Variants in PATJ observed in about 807,000 individuals in gnomAD.
The protein encoded by PATJ is inaD-like protein.
PATJ carries 190 observed loss-of-function variants against 224.9 expected under a neutral mutation model. That is an observed-to-expected ratio of 0.84 (90% CI 0.75 to 0.95). The LOEUF (loss-of-function observed/expected upper bound fraction) is 0.95, where lower values mean the gene tolerates loss of function less well. Ranked by LOEUF, PATJ falls within the 40% of genes least tolerant of loss-of-function variation. The pLI is 0.00. For missense variants in PATJ, 2,121 were observed against 2,270.3 expected (o/e 0.93, Z 1.34); for synonymous variants, 769 against 820.3 (o/e 0.94, Z 1.07).
chr1:61,899,509 CA>C, intron 22 of PATJ, 73 bp from the exon 23 acceptor site: 1 of 991,464 alleles, frequency 1.0e-6, no homozygotes, highest in Admixed American at 2.6e-5. Flanking sequence ...TTTACAATTT[CA>C]AAACCTTCCA....
At chr1:61,948,115 A>G (rs1263838159) in intron 27 of PATJ, among the ~76,000 whole-genome samples, 1 of 152,240 alleles carries the variant, frequency 6.6e-6, no homozygotes, top group African/African-American at 2.4e-5. Context: ...AAACCCTAGA[A>G]GAAAACCTAG....
At chr1:61,927,858 A>ATG (rs1378666650) in intron 27 of PATJ, 29 bp downstream of exon 27, 1 of 1,403,630 alleles carries the variant, frequency 7.1e-7, no homozygotes, top group African/African-American at 1.4e-5. Flanking sequence ...TTTAGGGTAG[A>ATG]TGCAGAACTT....
chr1:61,769,180 C>G (rs1646460741), intron 4 of PATJ, 103 bp from the exon 5 acceptor site: 5 of 1,090,452 alleles, frequency 4.6e-6, no homozygotes, highest in Non-Finnish European at 6.5e-6. Context: ...TTATGTGGTT[C>G]TTAGGGGAAG....
chr1:61,816,049 G>A (rs1656043975), intron 14 of PATJ, among the ~76,000 whole-genome samples: 2 of 152,130 alleles, frequency 1.3e-5, no homozygotes, highest in Non-Finnish European at 2.9e-5. Context: ...ACCAGGTCCT[G>A]CTCTCTGGTT....
chr1:61,771,285 A>T (rs1646591885), intron 5 of PATJ, 146 bp from the exon 6 acceptor site: 1 of 467,178 alleles, frequency 2.1e-6, no homozygotes, highest in South Asian at 5.2e-5. Context: ...AACACTCTGA[A>T]GAGCTCTGTT....
chr1:62,121,829 G>A (rs1665095924), intron 38 of PATJ, among the ~76,000 whole-genome samples: 1 of 151,538 alleles, frequency 6.6e-6, no homozygotes, highest in Non-Finnish European at 1.5e-5. Context: ...CTGAAAAACA[G>A]AAAAGCAGAA....
chr1:61,767,208 G>C (rs1481166360), intron 4 of PATJ, among the ~76,000 whole-genome samples: 1 of 152,136 alleles, frequency 6.6e-6, no homozygotes, highest in Non-Finnish European at 1.5e-5. Context: ...GGACATGTTA[G>C]TTTTATGTAT....
chr1:62,001,428 A>G (rs1645764485), intron 28 of PATJ, among the ~76,000 whole-genome samples: 2 of 148,548 alleles, frequency 1.3e-5, no homozygotes, highest in Admixed American at 1.3e-4. Flanking sequence ...TTTTCCCAGC[A>G]CCATTTATTA....
chr1:62,121,363 T>C, intron 38 of PATJ, 68 bp downstream of exon 38: 2 of 965,188 alleles, frequency 2.1e-6, no homozygotes, highest in Non-Finnish European at 3.2e-6. Flanking sequence ...AATGTGTTTT[T>C]TAAAAACCAG....
chr1:61,924,668 A>C (rs1674842698), intron 26 of PATJ, among the ~76,000 whole-genome samples: 1 of 152,214 alleles, frequency 6.6e-6, no homozygotes, highest in South Asian at 2.1e-4. Flanking sequence ...TAAACCAATC[A>C]GAAAGAGATT....
chr1:61,880,254 A>T (rs1321828945), intron 21 of PATJ, among the ~76,000 whole-genome samples: 3 of 152,216 alleles, frequency 2.0e-5, no homozygotes, highest in African/African-American at 7.2e-5. Flanking sequence ...CAAGAATAGG[A>T]ACTTTGTCAG....
intron 33 of PATJ, among the ~76,000 whole-genome samples, chr1:62,098,232 G>A (rs1570582295): frequency 6.6e-6 from 1 of 152,028 alleles, no homozygotes; most frequent in South Asian, 2.1e-4. Context: ...GGTGGTGGGT[G>A]CCTGTAGTTC....
chr1:61,754,594 T>C (rs1645526590), intron 1 of PATJ, among the ~76,000 whole-genome samples: 1 of 144,128 alleles, frequency 6.9e-6, no homozygotes, highest in African/African-American at 2.6e-5. Flanking sequence ...ACTCCTGGGC[T>C]CAAGCAATCC....
rs1654031083 is a variant in PATJ, at chr1:61,808,524, T to A, written c.1677T>A (p.Tyr559Ter). 1.3e-6 allele frequency: 2 copies of A among 1,599,982 alleles called. No homozygotes were observed. Among genetic ancestry groups the A allele is most frequent in the Non-Finnish European group, 1.7e-6 (2 of 1,168,162 alleles). ...CAGATGATGCTGAGTTACAGAAATA[T>A]TCAAAGGTAAGCATTTTTTATAACA... ...QIADDAELQK[Y>*]SKLLPIHTLR... Residue 559 changes from tyrosine to a stop codon, truncating the protein, a stop_gained, in exon 14 of 44, where the codon TAT (tyrosine) becomes TAA (stop). Coordinates refer to ENST00000642238, the MANE Select transcript of PATJ (RefSeq NM_001350145.3). LOFTEE classifies it high-confidence loss of function.
chr1:61,754,813 G>A (rs1233798137), intron 1 of PATJ, among the ~76,000 whole-genome samples: 1 of 151,524 alleles, frequency 6.6e-6, no homozygotes, highest in East Asian at 1.9e-4. Context: ...TAGTCCCAGC[G>A]ACTCAAGAGG....
chr1:61,960,841 T>C (rs1171502489), intron 27 of PATJ, among the ~76,000 whole-genome samples: 2 of 152,126 alleles, frequency 1.3e-5, no homozygotes, highest in African/African-American at 4.8e-5. Flanking sequence ...CCAGTCTAGA[T>C]AGGGGGAAAC....
At chr1:62,102,971 C>T (rs1430701951) in intron 33 of PATJ, among the ~76,000 whole-genome samples, 1 of 151,844 alleles carries the variant, frequency 6.6e-6, no homozygotes, top group Non-Finnish European at 1.5e-5. Flanking sequence ...TAACCATGTG[C>T]CAGCACTAGC....
chr1:62,146,508 G>T (rs1162807303), intron 41 of PATJ, among the ~76,000 whole-genome samples: 1 of 152,186 alleles, frequency 6.6e-6, no homozygotes. Context: ...GGCTGCAGTG[G>T]CTCACGCCTG....
At chr1:61,934,360 C>T (rs533867554) in intron 27 of PATJ, among the ~76,000 whole-genome samples, 12 of 152,192 alleles carry the variant, frequency 7.9e-5, no homozygotes, top group Non-Finnish European at 1.3e-4. Flanking sequence ...TCAGGTGATC[C>T]GCCTGCTTTG....
Sources: gnomAD v4.1 joint callset for allele counts (sites outside exome capture counted in the v4.1 genomes callset) on GRCh38, gnomAD v4.1.1 for gene constraint, MANE v1.5 for transcripts, NCBI Gene and HGNC (gene_info 2026-07-23, HGNC 2026-07-21) for gene names.